Variants in BAIAP2 observed in about 807,000 individuals in gnomAD.
The protein encoded by BAIAP2 is BAR/IMD domain-containing adapter protein 2.
Under a neutral mutation model 63.0 loss-of-function variants are expected in BAIAP2, and 18 were observed. That is an observed-to-expected ratio of 0.29 (90% CI 0.20 to 0.42). The LOEUF (loss-of-function observed/expected upper bound fraction) is 0.42. Ranked by LOEUF, BAIAP2 falls within the 10% of genes least tolerant of loss-of-function variation. The probability of loss-of-function intolerance (pLI) is 1.00; values close to 1 mark genes in which losing one functional copy is unlikely to be tolerated. For synonymous variants in BAIAP2, 386 were observed against 307.6 expected, an observed-to-expected ratio of 1.25 and a Z score of -2.67; for missense variants, 610 against 734.3, an observed-to-expected ratio of 0.83 and a Z score of 1.96.
chr17:81,072,702 G>A (rs993631460), intron 3 of BAIAP2, among the ~76,000 whole-genome samples: 7 of 152,130 alleles, frequency 4.6e-5, no homozygotes, highest in African/African-American at 9.7e-5. Flanking sequence ...ACAGGCGGGC[G>A]GACGCTGTCT....
chr17:81,087,302 C>T (rs1376471119), intron 6 of BAIAP2, among the ~76,000 whole-genome samples: 2 of 152,186 alleles, frequency 1.3e-5, no homozygotes, highest in East Asian at 1.9e-4. Context: ...TGGGTGAAGC[C>T]CGGGCCTCCA....
intron 6 of BAIAP2, among the ~76,000 whole-genome samples, chr17:81,095,051 G>C (rs2057398511): frequency 6.6e-6 from 1 of 152,272 alleles, no homozygotes; most frequent in Admixed American, 6.5e-5. Context: ...TGTCTTCTCT[G>C]ATCACGGGGC....
Position 81,067,580 on chromosome 17 carries a change from G to A in BAIAP2, c.217+9613G>A, listed in dbSNP as rs775197105. 3.2e-3 allele frequency among the ~76,000 whole-genome samples: 481 copies of A among 150,058 alleles called. 4 individuals carry two copies. Among genetic ancestry groups the A allele is most frequent in the African/African-American group, 5.3e-3 (216 of 41,072 alleles). On this transcript the variant is annotated intron_variant, in intron 3 of 13. Coordinates refer to ENST00000428708, the MANE Select transcript of BAIAP2 (RefSeq NM_001144888.2). The stretch of plus-strand genomic sequence containing the variant: ...GTGTGGGCCCCTGGTCTGGCTGCTC[G>A]TGGTTTGATCCTGAGCCGTTTCCTG...
At chr17:81,040,407 G>C (rs1334324191) in intron 1 of BAIAP2, among the ~76,000 whole-genome samples, 1 of 152,204 alleles carries the variant, frequency 6.6e-6, no homozygotes, top group Non-Finnish European at 1.5e-5. Context: ...CACCTCCCCC[G>C]AGCGCTGATT....
At position 81,099,949 on chromosome 17, in the gene BAIAP2, A is replaced by G; in HGVS notation, c.511A>G (p.Lys171Glu). The G allele has an allele frequency of 1.9e-6, 3 of 1,613,394 alleles. No homozygotes were observed. The highest frequency in any genetic ancestry group is 2.5e-6 in the Non-Finnish European group (3 of 1,179,890). The change falls in exon 7 of 14, where the codon AAG becomes GAG. Residue 171 changes from lysine to glutamate, a missense_variant. Physicochemically the swap from Lys to Glu is moderately conservative, Grantham distance 56 (BLOSUM62 1). Around this residue, in one of 5 missense-constraint regions of BAIAP2, gnomAD observed 389 missense variants for 455.6 expected, o/e 0.85. Coordinates refer to ENST00000428708, the MANE Select transcript of BAIAP2 (RefSeq NM_001144888.2). ...ELQYIDAISNKQGELENYVSD... is the reference protein window; with the variant it reads ...ELQYIDAISNEQGELENYVSD... The stretch of plus-strand genomic sequence containing the variant: ...ACAGTACATCGACGCCATCAGCAAC[A>G]AGCAGGGCGAGCTGGAGAATTACGT...
intron 1 of BAIAP2, among the ~76,000 whole-genome samples, chr17:81,047,312 A>G (rs952026400): frequency 6.6e-6 from 1 of 152,048 alleles, no homozygotes; most frequent in Non-Finnish European, 1.5e-5. Context: ...CCTCACTTTC[A>G]TCTTGTCCAG....
chr17:81,062,045 C>T (rs888468726), intron 3 of BAIAP2, among the ~76,000 whole-genome samples: 4 of 152,076 alleles, frequency 2.6e-5, no homozygotes, highest in South Asian at 2.1e-4. Flanking sequence ...CAGGTTCATG[C>T]GAGTCTCCTG....
At chr17:81,044,103 C>G (rs567968490) in intron 1 of BAIAP2, among the ~76,000 whole-genome samples, 1 of 152,170 alleles carries the variant, frequency 6.6e-6, no homozygotes, top group East Asian at 1.9e-4. Context: ...CCACAGCCCC[C>G]GGGCTGGCAC....
At chr17:81,075,277 T>G (rs913193945) in intron 3 of BAIAP2, among the ~76,000 whole-genome samples, 1 of 152,226 alleles carries the variant, frequency 6.6e-6, no homozygotes, top group Non-Finnish European at 1.5e-5. Flanking sequence ...GCCCTCTCTC[T>G]TCCGGGACCA....
intron 3 of BAIAP2, among the ~76,000 whole-genome samples, chr17:81,077,563 CAAAA>C (rs10564899): frequency 6.8e-6 from 1 of 146,950 alleles, no homozygotes. Flanking sequence ...GACTCTGTCT[CAAAA>C]AAAAAAAAAA....
chr17:81,057,084 G>A (rs2049714377), intron 2 of BAIAP2, among the ~76,000 whole-genome samples: 1 of 152,246 alleles, frequency 6.6e-6, no homozygotes, highest in Non-Finnish European at 1.5e-5. Context: ...AGGCCCCTAA[G>A]TGGGTTCTGT....
chr17:81,035,265 C>T lies in BAIAP2; in HGVS notation c.11C>T (p.Ser4Phe), dbSNP rs2046045000. Reference sequence around the variant, plus strand: ...CCGGGACCCAGGACCATGTCTCTGTCTCGCTCAGAGGAGATGCACCGGCTC... The same window carrying T: ...CCGGGACCCAGGACCATGTCTCTGTTTCGCTCAGAGGAGATGCACCGGCTC... MSL[S>F]RSEEMHRLTE... Residue 4 changes from serine to phenylalanine, a missense_variant, in exon 1 of 14, where the codon TCT (serine) becomes TTT (phenylalanine). Around this residue, in one of 5 missense-constraint regions of BAIAP2, gnomAD observed 389 missense variants for 455.6 expected, o/e 0.85. Transcript: ENST00000428708. The T allele has an allele frequency of 3.3e-6, 5 of 1,521,968 alleles. No homozygotes were observed. Among genetic ancestry groups the T allele is most frequent in the Non-Finnish European group, 3.5e-6 (4 of 1,131,632 alleles). The allele number at this position is 1,521,968 out of a possible 1,614,324, so 94.3% of individuals were successfully genotyped here. A position where few individuals can be genotyped will look rare whatever the true frequency, so the allele number is the denominator to read the frequency against.
Position 81,079,230 on chromosome 17 carries a change from C to T in BAIAP2, c.218-5602C>T, listed in dbSNP as rs116272568. 2.9e-3 allele frequency among the ~76,000 whole-genome samples: 437 copies of T among 152,330 alleles called. 3 individuals carry two copies. The highest frequency in any genetic ancestry group is 0.01 in the African/African-American group (417 of 41,582). Reference sequence around the variant, plus strand: ...GGGCCCAGCCGGGGTCTTGAGGCAGCCCTGTCCCCATCAGCTGCGCTCAGA... The same window carrying T: ...GGGCCCAGCCGGGGTCTTGAGGCAGTCCTGTCCCCATCAGCTGCGCTCAGA... On this transcript the variant is annotated intron_variant, in intron 3 of 13. Coordinates refer to ENST00000428708, the MANE Select transcript of BAIAP2 (RefSeq NM_001144888.2).
At chr17:81,069,477 C>T (rs1191415300) in intron 3 of BAIAP2, among the ~76,000 whole-genome samples, 1 of 152,114 alleles carries the variant, frequency 6.6e-6, no homozygotes, top group East Asian at 1.9e-4. Context: ...TCTGAACTGC[C>T]CACCTGGCTT....
chr17:81,057,945 G>A lies in BAIAP2; in HGVS notation c.195G>A (p.Glu65=). 6.4e-7 allele frequency: 1 copy of A among 1,551,140 alleles called. No individual in the cohort carries two copies. The highest frequency in any genetic ancestry group is 8.8e-7 in the Non-Finnish European group (1 of 1,138,310). The change falls in exon 3 of 14, where the codon GAG becomes GAA. Residue 65 remains glutamate (E), a synonymous_variant. Transcript: ENST00000428708. ...ALVKMGELAS[E]SQGSKELGDV... ...TGAAGATGGGGGAGCTGGCCAGCGAGAGCCAGGGCTCCAAAGAACTCGGTG... is the reference window on the plus strand; with the variant it reads ...TGAAGATGGGGGAGCTGGCCAGCGAAAGCCAGGGCTCCAAAGAACTCGGTG...
chr17:81,071,500 C>CAGCTT (rs1280270602), intron 3 of BAIAP2, among the ~76,000 whole-genome samples: 1 of 152,230 alleles, frequency 6.6e-6, no homozygotes, highest in East Asian at 1.9e-4. Flanking sequence ...TGCTCACAGC[C>CAGCTT]AGCTTGGAGC....
chr17:81,098,970 A>ATCCCCCCC (rs2058093043), intron 6 of BAIAP2, among the ~76,000 whole-genome samples: 1 of 4,068 alleles, frequency 2.5e-4, no homozygotes. Flanking sequence ...CCGTCCCCCC[A>ATCCCCCCC]TCCCCCCATC....
At chr17:81,067,307 C>T (rs2051664656) in intron 3 of BAIAP2, among the ~76,000 whole-genome samples, 1 of 152,216 alleles carries the variant, frequency 6.6e-6, no homozygotes, top group Admixed American at 6.5e-5. Context: ...TCTTTCAGGC[C>T]CCCACCGCCT....
rs1041235597 is a variant in BAIAP2 at position 81,046,821 on chromosome 17, C to G, written c.55-6847C>G. Among the ~76,000 whole-genome samples, 6 of 152,142 alleles carry G rather than the reference C, an allele frequency of 3.9e-5. No individual in the cohort carries two copies. The highest frequency in any genetic ancestry group is 5.9e-5 in the Non-Finnish European group (4 of 68,018). On this transcript the variant is annotated intron_variant, in intron 1 of 13. Transcript: ENST00000428708. This position sits in a 1 kb window ranked among gnomAD's most constrained non-coding sequence, Gnocchi z 4.5. The stretch of plus-strand genomic sequence containing the variant: ...GAGCCTGGCATCCTAGGCAGAGTCC[C>G]GTCAAGTCTACGTGGACCAGAGTCG...
Sources: allele counts gnomAD v4.1 joint callset (sites outside exome capture counted in the v4.1 genomes callset), GRCh38; gene constraint gnomAD v4.1.1; regional missense constraint gnomAD v4.1.1; non-coding constraint Gnocchi (gnomAD v3.1); transcripts MANE v1.5; gene names NCBI Gene and HGNC (gene_info 2026-07-23, HGNC 2026-07-21).